Variants in KANSL2 observed in about 807,000 individuals in gnomAD.
The protein encoded by KANSL2 is KAT8 regulatory NSL complex subunit 2.
KANSL2 carries 34 observed loss-of-function variants against 55.6 expected under a neutral mutation model. The observed-to-expected ratio is 0.61, with a 90% confidence interval of 0.46 to 0.81. KANSL2 has a LOEUF of 0.81. Among genes scored for constraint, KANSL2 ranks in the 40% least tolerant of loss-of-function variants. KANSL2 has a pLI of 0.00. For synonymous variants in KANSL2, 209 were observed against 214.3 expected (o/e 0.98, Z 0.22); for missense variants, 502 against 609.9 (o/e 0.82, Z 1.86).
intron 5 of KANSL2, among the ~76,000 whole-genome samples, chr12:48,669,721 T>C (rs1302027432): frequency 6.6e-6 from 1 of 151,692 alleles, no homozygotes; most frequent in African/African-American, 2.4e-5. Context: ...CAGGGTTTCA[T>C]TGTGGTCTCG....
intron 8 of KANSL2, among the ~76,000 whole-genome samples, chr12:48,656,128 GC>G (rs969714800): frequency 1.3e-5 from 2 of 152,114 alleles, no homozygotes; most frequent in African/African-American, 4.8e-5. Context: ...CAGCCACAAA[GC>G]AAGCAAACAA....
chr12:48,672,352 T>C (rs2137196038), intron 4 of KANSL2, among the ~76,000 whole-genome samples: 1 of 147,466 alleles, frequency 6.8e-6, no homozygotes, highest in South Asian at 2.1e-4. Flanking sequence ...ATCTTTCACA[T>C]ATACATATAT....
intron 5 of KANSL2, among the ~76,000 whole-genome samples, chr12:48,671,361 C>T (rs1396619968): frequency 6.6e-6 from 1 of 151,458 alleles, no homozygotes; most frequent in African/African-American, 2.4e-5. Context: ...AAATTTAGTA[C>T]AGCTTAAGTG....
At chr12:48,666,075 G>A (rs922761462) in intron 7 of KANSL2, among the ~76,000 whole-genome samples, 8 of 152,026 alleles carry the variant, frequency 5.3e-5, no homozygotes, top group Non-Finnish European at 8.8e-5. Flanking sequence ...TTAGCTGGAC[G>A]TGGTAGCACA....
chr12:48,674,320 T>C (rs1178871721), intron 4 of KANSL2, among the ~76,000 whole-genome samples: 4 of 152,094 alleles, frequency 2.6e-5, no homozygotes, highest in Non-Finnish European at 5.9e-5. Flanking sequence ...TTTTTATTTT[T>C]TGTATTTTTA....
intron 5 of KANSL2, among the ~76,000 whole-genome samples, chr12:48,669,827 T>C (rs541606691): frequency 6.6e-6 from 1 of 152,104 alleles, no homozygotes; most frequent in East Asian, 1.9e-4. Context: ...AAAATTCTTA[T>C]TGCCTAGTGA....
At position 48,656,804 on chromosome 12, in the gene KANSL2, TATATC is replaced by T. The variant is rs565305825; in HGVS notation, c.1228-1749_1228-1745del. On this transcript the variant is annotated intron_variant, in intron 8 of 9. Transcript: ENST00000420613. ...CCTAAGGCAATACAAACTCAAACAA[TATATC>T]AAACTAACTTTCATGCCACTGCTTT... 1.1e-3 allele frequency: 519 copies of T among 482,910 alleles called. 5 individuals are homozygous for T. The highest frequency in any genetic ancestry group is 7.2e-3 in the South Asian group (472 of 65,468). The allele number at this position is 482,910 out of a possible 1,614,324, so 29.9% of individuals were successfully genotyped here. A position where few individuals can be genotyped will look rare whatever the true frequency, so the allele number is the denominator to read the frequency against.
In KANSL2 at chr12:48,660,364, A is replaced by T; in HGVS notation, c.1227+2T>A. ...AACCAAAGCAGAGCTTCTCTAACTT[A>T]CATCACTGAACTCCAGAGGTAAACT... On this transcript the variant is annotated splice_donor_variant, in intron 8 of 9. Transcript: ENST00000420613. LOFTEE classifies it high-confidence loss of function. 6.2e-7 allele frequency: 1 copy of T among 1,613,758 alleles called. No individual in the cohort carries two copies.
chr12:48,676,709 A>C (rs1939828930), intron 4 of KANSL2, among the ~76,000 whole-genome samples: 1 of 152,168 alleles, frequency 6.6e-6, no homozygotes, highest in Non-Finnish European at 1.5e-5. Flanking sequence ...GCCTGGCCAT[A>C]AACAAGCTTT....
chr12:48,666,951 C>T (rs1247167949), intron 7 of KANSL2, among the ~76,000 whole-genome samples: 2 of 152,004 alleles, frequency 1.3e-5, no homozygotes, highest in Non-Finnish European at 2.9e-5. Flanking sequence ...GAAGCCAAGG[C>T]GGGTGGATCA....
At chr12:48,680,483 C>T (rs141916579) in intron 2 of KANSL2, among the ~76,000 whole-genome samples, 1 of 152,174 alleles carries the variant, frequency 6.6e-6, no homozygotes, top group Non-Finnish European at 1.5e-5. Flanking sequence ...TGAGCCACTG[C>T]GACCAGCCAG....
chr12:48,656,536 T>C (rs1406785346), intron 8 of KANSL2: 1 of 341,928 alleles, frequency 2.9e-6, no homozygotes, highest in Non-Finnish European at 5.7e-6. Flanking sequence ...CCTCCCAAAG[T>C]GCTGGGATTA....
At chr12:48,678,944 C>T in intron 4 of KANSL2, 92 bp downstream of exon 4, 1 of 863,646 alleles carries the variant, frequency 1.2e-6, no homozygotes, top group Non-Finnish European at 1.9e-6. Flanking sequence ...CTGTCTTCAA[C>T]CCTCCTAGGT....
chr12:48,660,659 C>T (rs368928038), intron 7 of KANSL2, 40 bp from the exon 8 acceptor site: 206 of 1,583,850 alleles, frequency 1.3e-4, no homozygotes, highest in South Asian at 2.3e-4. Context: ...CACAATCTAT[C>T]GAAAGCATAA....
In KANSL2 at chr12:48,674,389, T is replaced by C. The variant is rs537534776; in HGVS notation, c.546-2427A>G. Among the ~76,000 whole-genome samples, 4 of 152,236 alleles carry C rather than the reference T, an allele frequency of 2.6e-5. No homozygotes were observed. In the East Asian group the frequency reaches 7.7e-4, roughly 29 times the overall value. On this transcript the variant is annotated intron_variant, in intron 4 of 9. Coordinates refer to ENST00000420613, the MANE Select transcript of KANSL2 (RefSeq NM_017822.4). Reference sequence around the variant, plus strand: ...GGTCTCAAACTCCTGAGTTCAGGCATTCCACCCGACTCGGCCTCCCAAAGT... The same window carrying C: ...GGTCTCAAACTCCTGAGTTCAGGCACTCCACCCGACTCGGCCTCCCAAAGT...
chr12:48,670,009 T>C (rs761162515), intron 5 of KANSL2, among the ~76,000 whole-genome samples: 5 of 152,002 alleles, frequency 3.3e-5, no homozygotes, highest in Non-Finnish European at 5.9e-5. Flanking sequence ...GAGAACATCC[T>C]GGCCAACATG....
At chr12:48,667,918 C>A in intron 6 of KANSL2, 129 bp from the exon 7 acceptor site, 2 of 664,146 alleles carry the variant, frequency 3.0e-6, no homozygotes, top group South Asian at 2.0e-5. Flanking sequence ...ATAGATTCAC[C>A]AATATTATGC....
chr12:48,672,516 T>C (rs1939745039), intron 4 of KANSL2, among the ~76,000 whole-genome samples: 1 of 149,944 alleles, frequency 6.7e-6, no homozygotes, highest in Non-Finnish European at 1.5e-5. Flanking sequence ...CTATAACCTT[T>C]GCTTCCTGGG....
intron 7 of KANSL2, among the ~76,000 whole-genome samples, chr12:48,661,893 A>T (rs1320859959): frequency 6.6e-6 from 1 of 152,202 alleles, no homozygotes; most frequent in Non-Finnish European, 1.5e-5. Flanking sequence ...TGCCAACTGG[A>T]AAACAAAATG....
Sources: allele counts gnomAD v4.1 joint callset (sites outside exome capture counted in the v4.1 genomes callset), GRCh38; gene constraint gnomAD v4.1.1; transcripts MANE v1.5; gene names NCBI Gene and HGNC (gene_info 2026-07-23, HGNC 2026-07-21).